Variants in ST8SIA2 observed in about 807,000 individuals in gnomAD.
ST8SIA2 encodes alpha-2,8-sialyltransferase 8B.
In ST8SIA2, 22 loss-of-function variants were observed where a neutral mutation model predicts 37.6. The observed-to-expected ratio is 0.58, with a 90% CI of 0.42 to 0.83. ST8SIA2 has a LOEUF of 0.83. Among genes scored for constraint, ST8SIA2 ranks in the 40% least tolerant of loss-of-function variants. The pLI is 0.00. For missense variants in ST8SIA2, 382 were observed against 484.7 expected, an observed-to-expected ratio of 0.79 and a Z score of 1.99; for synonymous variants, 205 against 201.2, an observed-to-expected ratio of 1.02 and a Z score of -0.16.
rs181492668 is a variant in ST8SIA2 at position 92,396,575 on chromosome 15, C to G, written c.98+2413C>G. ...GTGGCACAATCTCGGCTCACTGCAA[C>G]CTCCGCCTCCCGGGTTCAAGCAATT... On this transcript the variant is annotated intron_variant, in intron 1 of 5. Transcript: ENST00000268164. Among the ~76,000 whole-genome samples the G allele has an allele frequency of 3.6e-3, 547 of 151,846 alleles. 3 individuals are homozygous for G. Among genetic ancestry groups the G allele is most frequent in the African/African-American group, 9.5e-3 (393 of 41,370 alleles).
At chr15:92,432,949 G>A (rs1230881814) in intron 2 of ST8SIA2, among the ~76,000 whole-genome samples, 3 of 152,032 alleles carry the variant, frequency 2.0e-5, no homozygotes, top group African/African-American at 7.2e-5. Flanking sequence ...CTGGACAACG[G>A]GCGAAACCCC....
chr15:92,465,496 T>C lies in ST8SIA2; in HGVS notation c.*1111T>C, dbSNP rs1037483705. The stretch of plus-strand genomic sequence containing the variant: ...AAAGAATGTTCAGCATCTAGCTCCA[T>C]GTCCCTGCAACCACTCTCTGTTTGC... On this transcript the variant is annotated 3_prime_UTR_variant, in exon 6 of 6. Transcript: ENST00000268164. The C allele has an allele frequency of 3.9e-5, 6 of 152,216 alleles. No individual in the cohort carries two copies. Among genetic ancestry groups the C allele is most frequent in the African/African-American group, 1.4e-4 (6 of 41,452 alleles). The allele number at this position is 152,216 out of a possible 1,614,324, so 9.4% of individuals were successfully genotyped here.
At chr15:92,455,084 C>T (rs2049910901) in intron 5 of ST8SIA2, among the ~76,000 whole-genome samples, 1 of 152,054 alleles carries the variant, frequency 6.6e-6, no homozygotes, top group Non-Finnish European at 1.5e-5. Context: ...GACTTGAGGG[C>T]CCAAGGTGAG....
chr15:92,434,186 G>C (rs1336524743), intron 2 of ST8SIA2, 61 bp from the exon 3 acceptor site: 1 of 1,608,324 alleles, frequency 6.2e-7, no homozygotes, highest in East Asian at 2.2e-5. Context: ...AAAACTATTA[G>C]ACTTGTCGTC....
chr15:92,408,033 A>G (rs1351603600), intron 1 of ST8SIA2, among the ~76,000 whole-genome samples: 1 of 152,168 alleles, frequency 6.6e-6, no homozygotes, highest in Admixed American at 6.5e-5. Flanking sequence ...CAGCAAACTC[A>G]TGACTACTCC....
chr15:92,423,296 A>G (rs563508409), intron 1 of ST8SIA2, among the ~76,000 whole-genome samples: 3 of 152,340 alleles, frequency 2.0e-5, no homozygotes, highest in Admixed American at 2.0e-4. Context: ...GCAGTGGCTC[A>G]TGTAATCCCA....
rs991167282 is a variant in ST8SIA2 at position 92,438,722 on chromosome 15, C to A, written c.548+112C>A. 5.7e-6 allele frequency: 8 copies of A among 1,393,684 alleles called. No homozygotes were observed. The Admixed American group carries it at 1.1e-4, about 20-fold the overall frequency. The allele number at this position is 1,393,684 out of a possible 1,614,324, so 86.3% of individuals were successfully genotyped here. A position where few individuals can be genotyped will look rare whatever the true frequency, so the allele number is the denominator to read the frequency against. On this transcript the variant is annotated intron_variant, in intron 4 of 5. Transcript: ENST00000268164. ...AAACAAGAGGCCCTGGTGGAGTTAG[C>A]CCCTGCTCTCAACCATGACTGCTCA...
chr15:92,396,850 C>T (rs1201472226), intron 1 of ST8SIA2, among the ~76,000 whole-genome samples: 1 of 152,186 alleles, frequency 6.6e-6, no homozygotes, highest in Admixed American at 6.5e-5. Context: ...CAGCTGGGCT[C>T]AGTGCCCAAT....
In ST8SIA2 at chr15:92,430,075, G is replaced by C. The variant is rs150283699; in HGVS notation, c.125G>C (p.Arg42Thr). ...IGNSGGRGTI[R>T]SAVNSLHSKS... ...AATTCGGGAGGCAGAGGTACAATCAGATCAGCTGTGAACAGCTTACATAGC... is the reference window on the plus strand; with the variant it reads ...AATTCGGGAGGCAGAGGTACAATCACATCAGCTGTGAACAGCTTACATAGC... The change falls in exon 2 of 6, where the codon AGA (arginine) becomes ACA (threonine). Residue 42 changes from arginine (R) to threonine (T), a missense_variant. Physicochemically the swap from Arg to Thr is moderately conservative, Grantham distance 71 (BLOSUM62 -1). Transcript: ENST00000268164. 6.0e-4 allele frequency: 969 copies of C among 1,614,170 alleles called. 5 individuals carry two copies. In the African/African-American group the frequency reaches 0.011, roughly 19 times the overall value.
intron 1 of ST8SIA2, among the ~76,000 whole-genome samples, chr15:92,424,354 A>G (rs2049659000): frequency 6.6e-6 from 1 of 152,212 alleles, no homozygotes; most frequent in African/African-American, 2.4e-5. Context: ...TACCCCATAA[A>G]TATACACAGT....
intron 5 of ST8SIA2, among the ~76,000 whole-genome samples, chr15:92,453,266 G>T (rs1444293276): frequency 1.3e-5 from 2 of 152,142 alleles, no homozygotes; most frequent in African/African-American, 4.8e-5. Context: ...GTGGACCACA[G>T]AGAGACCTCT....
At position 92,464,460 on chromosome 15, in the gene ST8SIA2, C is replaced by T; in HGVS notation, c.*75C>T. 6.5e-7 allele frequency: 1 copy of T among 1,542,848 alleles called. No homozygotes were observed. Among genetic ancestry groups the T allele is most frequent in the Non-Finnish European group, 9.0e-7 (1 of 1,117,084 alleles). On this transcript the variant is annotated 3_prime_UTR_variant, in exon 6 of 6. Coordinates refer to ENST00000268164, the MANE Select transcript of ST8SIA2 (RefSeq NM_006011.4). ...CACAGGCAGATGGGAGTCGGGGTGG[C>T]ACAAACAATAGAACAAGCAGGCTAG... is the stretch of plus-strand genomic sequence containing the variant.
chr15:92,419,231 A>G (rs1254599620), intron 1 of ST8SIA2, among the ~76,000 whole-genome samples: 1 of 152,180 alleles, frequency 6.6e-6, no homozygotes, highest in Non-Finnish European at 1.5e-5. Flanking sequence ...TGGTACAGGG[A>G]CAGGAACACA....
intron 5 of ST8SIA2, 110 bp downstream of exon 5, chr15:92,445,039 G>T: frequency 6.6e-7 from 1 of 1,512,866 alleles, no homozygotes; most frequent in Non-Finnish European, 9.0e-7. Context: ...CCACTCATTT[G>T]CTGGATGGCC....
chr15:92,408,793 C>A (rs1409687556), intron 1 of ST8SIA2, among the ~76,000 whole-genome samples: 1 of 151,874 alleles, frequency 6.6e-6, no homozygotes, highest in Non-Finnish European at 1.5e-5. Flanking sequence ...GCAACCTCCA[C>A]CTCCTGGGTT....
chr15:92,412,894 G>C (rs150002214), intron 1 of ST8SIA2, among the ~76,000 whole-genome samples: 1 of 152,322 alleles, frequency 6.6e-6, no homozygotes, highest in East Asian at 1.9e-4. Context: ...TTGGCCTCAA[G>C]TGATTCGCCC....
At chr15:92,464,052 C>G in intron 5 of ST8SIA2, 48 bp from the exon 6 acceptor site, 1 of 1,517,712 alleles carries the variant, frequency 6.6e-7, no homozygotes, top group South Asian at 1.3e-5. Context: ...AAGGATGACT[C>G]ACAGACCCAT....
chr15:92,434,184 T>G, intron 2 of ST8SIA2, 63 bp from the exon 3 acceptor site: 1 of 1,609,048 alleles, frequency 6.2e-7, no homozygotes. Context: ...ACAAAACTAT[T>G]AGACTTGTCG....
chr15:92,436,113 G>C (rs187581777), intron 3 of ST8SIA2, among the ~76,000 whole-genome samples: 3 of 152,050 alleles, frequency 2.0e-5, no homozygotes, highest in African/African-American at 7.3e-5. Context: ...AGGCCCACCC[G>C]GGTAATCCAG....
Sources: allele counts gnomAD v4.1 joint callset (sites outside exome capture counted in the v4.1 genomes callset), GRCh38; gene constraint gnomAD v4.1.1; transcripts MANE v1.5; gene names NCBI Gene and HGNC (gene_info 2026-07-23, HGNC 2026-07-21).